The following SLC24A2 variants were observed in gnomAD, a reference collection of about 807,000 sequenced individuals.
The protein encoded by SLC24A2 is solute carrier family 24 member 2, also known as sodium/potassium/calcium exchanger 2.
Under a neutral mutation model 62.0 loss-of-function variants are expected in SLC24A2, and 36 were observed. That is an observed-to-expected ratio of 0.58 (90% CI 0.44 to 0.77). The LOEUF (loss-of-function observed/expected upper bound fraction) is 0.77, where lower values mean the gene tolerates loss of function less well. Among genes scored for constraint, SLC24A2 ranks in the 30% least tolerant of loss-of-function variants. The pLI is 0.00. For synonymous variants in SLC24A2, 358 were observed against 294.0 expected (o/e 1.22, Z -2.23); for missense variants, 846 against 817.9 (o/e 1.03, Z -0.42).
chr9:20,034,354 G>T, the SLC24A2 span, among the ~76,000 whole-genome samples: 2 of 151,274 alleles, frequency 1.3e-5, no homozygotes, highest in African/African-American at 2.4e-5. Context: ...CTGTGGTACT[G>T]CATTACTTTT....
the SLC24A2 span, among the ~76,000 whole-genome samples, chr9:20,189,092 T>TTTTTTTTTTTC: frequency 2.8e-5 from 4 of 142,862 alleles, no homozygotes; most frequent in African/African-American, 2.6e-5. Context: ...TTTTTTTTTT[T>TTTTTTTTTTTC]CCCAGTTGAT....
the SLC24A2 span, among the ~76,000 whole-genome samples, chr9:20,074,898 G>C: frequency 3.3e-5 from 5 of 152,000 alleles, no homozygotes; most frequent in African/African-American, 1.2e-4. Context: ...AAAACTCTAG[G>C]ATATGAGCTA....
At chr9:19,902,823 C>A in the SLC24A2 span, among the ~76,000 whole-genome samples, 1 of 152,256 alleles carries the variant, frequency 6.6e-6, no homozygotes, top group Admixed American at 6.5e-5. Context: ...TGAACTAACA[C>A]TTCTGAGATA....
chr9:20,175,382 G>GA, the SLC24A2 span, among the ~76,000 whole-genome samples: 1 of 151,542 alleles, frequency 6.6e-6, no homozygotes, highest in Non-Finnish European at 1.5e-5. Flanking sequence ...TAACCTGTGG[G>GA]AAAAAAGAAT....
At chr9:19,819,406 C>G in the SLC24A2 span, among the ~76,000 whole-genome samples, 1 of 152,078 alleles carries the variant, frequency 6.6e-6, no homozygotes, top group Non-Finnish European at 1.5e-5. Flanking sequence ...GTAGAGTAAA[C>G]AGACAACCCA....
chr9:20,242,667 C>T, the SLC24A2 span, among the ~76,000 whole-genome samples: 1 of 152,208 alleles, frequency 6.6e-6, no homozygotes, highest in African/African-American at 2.4e-5. Context: ...GGATGCAACA[C>T]CTGACATGAG....
At chr9:20,015,346 A>C in the SLC24A2 span, among the ~76,000 whole-genome samples, 2 of 152,188 alleles carry the variant, frequency 1.3e-5, no homozygotes, top group East Asian at 3.8e-4. Flanking sequence ...ATGCAGGTGC[A>C]CTGTGTCAAG....
At chr9:19,693,009 C>A (rs1054854277) in intron 2 of SLC24A2, among the ~76,000 whole-genome samples, 2 of 152,074 alleles carry the variant, frequency 1.3e-5, no homozygotes, top group African/African-American at 4.8e-5. Context: ...AAAATGGGGA[C>A]ATTATTGACT....
At chr9:19,654,214 C>G (rs149923924) in intron 2 of SLC24A2, among the ~76,000 whole-genome samples, 1 of 152,226 alleles carries the variant, frequency 6.6e-6, no homozygotes, top group African/African-American at 2.4e-5. Flanking sequence ...CCTTTGATAT[C>G]CCGCTCTTCC....
chr9:19,725,738 T>C (rs888895626), intron 2 of SLC24A2, among the ~76,000 whole-genome samples: 4 of 152,114 alleles, frequency 2.6e-5, no homozygotes, highest in Non-Finnish European at 5.9e-5. Flanking sequence ...TTGGTGAGAA[T>C]AGTTTACATG....
chr9:19,829,801 A>G, the SLC24A2 span, among the ~76,000 whole-genome samples: 1,628 of 74,892 alleles, frequency 0.022, 20 homozygotes, highest in African/African-American at 0.073. Context: ...GTGTGTGTAT[A>G]TATATATATA....
At chr9:19,722,336 T>C (rs1207000724) in intron 2 of SLC24A2, among the ~76,000 whole-genome samples, 1 of 152,150 alleles carries the variant, frequency 6.6e-6, no homozygotes, top group African/African-American at 2.4e-5. Flanking sequence ...AGCTGTTAAT[T>C]GAGCTGAACT....
At position 19,550,266 on chromosome 9, in the gene SLC24A2, G is replaced by A. The variant is rs375331527; in HGVS notation, c.1350C>T (p.Thr450=). 2.5e-5 allele frequency: 41 copies of A among 1,613,766 alleles called. No individual in the cohort carries two copies. The highest frequency in any genetic ancestry group is 6.7e-5 in the African/African-American group (5 of 74,850). ...GAGGCTGGTCCTCCTCCTCATCAGC[G>A]GTCTGTGGTAGAAAAAGAGGTAAAA... ...SHNIEGAEAQ[T]ADEEEDQPLS... The change falls in exon 8 of 11, where the codon ACC becomes ACT. Residue 450 remains threonine (T), a splice_region_variant and synonymous_variant. Coordinates refer to ENST00000341998, the MANE Select transcript of SLC24A2 (RefSeq NM_020344.4).
chr9:19,972,034 A>G, the SLC24A2 span, among the ~76,000 whole-genome samples: 2 of 152,192 alleles, frequency 1.3e-5, no homozygotes, highest in African/African-American at 4.8e-5. Flanking sequence ...ACTCTATTCT[A>G]AAGAGCTTAG....
intron 10 of SLC24A2, among the ~76,000 whole-genome samples, chr9:19,519,349 T>TTGTGTGTGTGTGTGTGTGTGTGTG (rs10640008): frequency 6.1e-5 from 9 of 147,582 alleles, no homozygotes; most frequent in African/African-American, 2.2e-4. Flanking sequence ...TTAAACTTCC[T>TTGTGTGTGTGTGTGTGTGTGTGTG]TGTGTGTGTG....
At chr9:19,610,882 A>T (rs1331046742) in intron 4 of SLC24A2, among the ~76,000 whole-genome samples, 1 of 152,254 alleles carries the variant, frequency 6.6e-6, no homozygotes, top group African/African-American at 2.4e-5. Flanking sequence ...GCAAATATGT[A>T]CTGGGGCCCA....
the SLC24A2 span, among the ~76,000 whole-genome samples, chr9:20,067,763 C>T: frequency 2.0e-5 from 3 of 152,174 alleles, no homozygotes; most frequent in African/African-American, 7.2e-5. Flanking sequence ...ATATGTACCA[C>T]ATTTTCTTTA....
In SLC24A2 at chr9:19,513,184, A is replaced by ATG. The variant is rs1554665752; in HGVS notation, c.*2968_*2969insCA. ...TATATATATATATATATGTATATAT[A>ATG]TATATATGTATATATTTATATATGT... On this transcript the variant is annotated 3_prime_UTR_variant, in exon 11 of 11. Coordinates refer to ENST00000341998, the MANE Select transcript of SLC24A2 (RefSeq NM_020344.4). 64 of 93,430 alleles carry ATG rather than the reference A, an allele frequency of 6.9e-4. No homozygotes were observed. The highest frequency in any genetic ancestry group is 2.5e-3 in the African/African-American group (62 of 24,638). 5.8% of individuals were successfully genotyped at this position (93,430 alleles called of 1,614,324 possible). A position where few individuals can be genotyped will look rare whatever the true frequency, so the allele number is the denominator to read the frequency against.
the SLC24A2 span, among the ~76,000 whole-genome samples, chr9:20,107,401 A>T: frequency 1.3e-5 from 2 of 152,008 alleles, no homozygotes; most frequent in African/African-American, 4.8e-5. Context: ...ATCCTAAGCC[A>T]AAAGAACAAA....
Sources: gnomAD v4.1 joint callset for allele counts (sites outside exome capture counted in the v4.1 genomes callset) on GRCh38, gnomAD v4.1.1 for gene constraint, MANE v1.5 for transcripts, NCBI Gene and HGNC (gene_info 2026-07-23, HGNC 2026-07-21) for gene names.